ZNF703: variants seen among roughly 807,000 people sequenced by gnomAD.
ZNF703 encodes NocA-like zinc finger 1.
A neutral mutation model predicts 30.7 loss-of-function variants in ZNF703; 18 were observed. The observed-to-expected ratio is 0.59, with a 90% CI of 0.40 to 0.87. The LOEUF is 0.87. ZNF703 is among the 40% of genes least tolerant of loss of function. The pLI, the probability that ZNF703 is intolerant of heterozygous loss-of-function variation, is 0.00. For missense variants in ZNF703, 814 were observed against 847.8 expected (o/e 0.96, Z 0.50); for synonymous variants, 457 against 438.6 (o/e 1.04, Z -0.52).
At position 37,697,247 on chromosome 8, in the gene ZNF703, G is replaced by A. The variant is rs1383035950; in HGVS notation, c.346G>A (p.Ala116Thr). 1.9e-6 allele frequency: 3 copies of A among 1,590,330 alleles called. No individual in the cohort carries two copies. In the African/African-American group the frequency reaches 4.1e-5, roughly 22 times the overall value. The change falls in exon 2 of 2, where the codon GCG (alanine) becomes ACG (threonine). Residue 116 changes from alanine (A) to threonine (T), a missense_variant. Coordinates refer to ENST00000331569, the MANE Select transcript of ZNF703 (RefSeq NM_025069.3). ...CTCCAAACTCAACTCGGTGGCGGCG[G>A]CGGCCAACGGGCTGGGAGCGGAGAA... Reference protein sequence around the residue: ...PSSKLNSVAAAANGLGAEKDP... With the variant: ...PSSKLNSVAATANGLGAEKDP...
rs1024549984 is a variant in ZNF703, at chr8:37,697,284, G to A, written c.383G>A (p.Arg128His). ...NGLGAEKDPG[R>H]SAPGAASAAA... ...CTGGGAGCGGAGAAGGACCCCGGCC[G>A]CTCAGCCCCGGGCGCCGCCTCCGCA... Residue 128 changes from arginine to histidine, a missense_variant, in exon 2 of 2, where the codon CGC (arginine) becomes CAC (histidine). By Grantham distance (29) the Arg-to-His change is conservative. Coordinates refer to ENST00000331569, the MANE Select transcript of ZNF703 (RefSeq NM_025069.3). 2 of 1,567,286 alleles carry A rather than the reference G, an allele frequency of 1.3e-6. No individual in the cohort carries two copies. Among genetic ancestry groups the A allele is most frequent in the Non-Finnish European group, 8.6e-7 (1 of 1,159,286 alleles).
In ZNF703 at chr8:37,696,276, C is replaced by G. The variant is rs1585875269; in HGVS notation, c.243+54C>G. ...CCGGCCCCATTCCTCCCACCGCGAC[C>G]GGGACCCTGACCCAGCTCCCAGCGC... On this transcript the variant is annotated intron_variant, in intron 1 of 1. Coordinates refer to ENST00000331569, the MANE Select transcript of ZNF703 (RefSeq NM_025069.3). This position sits in a 1 kb window ranked among gnomAD's most constrained non-coding sequence, Gnocchi z 8.2. 1.3e-6 allele frequency: 2 copies of G among 1,521,456 alleles called. No individual in the cohort carries two copies. Among genetic ancestry groups the G allele is most frequent in the Non-Finnish European group, 1.8e-6 (2 of 1,131,786 alleles). The allele number at this position is 1,521,456 out of a possible 1,614,324, so 94.2% of individuals were successfully genotyped here.
At position 37,699,144 on chromosome 8, in the gene ZNF703, C is replaced by T. The variant is rs1802127095; in HGVS notation, c.*470C>T. 1 of 154,886 alleles carries T rather than the reference C, an allele frequency of 6.5e-6. No individual in the cohort carries two copies. Among genetic ancestry groups the T allele is most frequent in the South Asian group, 2.1e-4 (1 of 4,866 alleles). 9.6% of individuals were successfully genotyped at this position (154,886 alleles called of 1,614,324 possible). A position where few individuals can be genotyped will look rare whatever the true frequency, so the allele number is the denominator to read the frequency against. On this transcript the variant is annotated 3_prime_UTR_variant, in exon 2 of 2. Coordinates refer to ENST00000331569, the MANE Select transcript of ZNF703 (RefSeq NM_025069.3). ...ACTTAAAACTACGTTTCCGCCTTCT[C>T]TTTTTCCCTCTTCCCCCTTCATTCC...
chr8:37,698,363 C>A lies in ZNF703; in HGVS notation c.1462C>A (p.Pro488Thr), dbSNP rs749688143. Reference protein sequence around the residue: ...LSHLRTHTALPGAEKLLAAYP... With the variant: ...LSHLRTHTALTGAEKLLAAYP... The stretch of plus-strand genomic sequence containing the variant: ...CCACCTACGGACCCACACGGCCCTG[C>A]CGGGAGCCGAGAAACTTCTGGCCGC... The change falls in exon 2 of 2, where the codon CCG becomes ACG. Residue 488 changes from proline to threonine, a missense_variant. By Grantham distance (38) the Pro-to-Thr change is conservative. Coordinates refer to ENST00000331569, the MANE Select transcript of ZNF703 (RefSeq NM_025069.3). 2 of 1,530,422 alleles carry A rather than the reference C, an allele frequency of 1.3e-6. No homozygotes were observed. The highest frequency in any genetic ancestry group is 2.6e-5 in the East Asian group (1 of 38,524). The allele number at this position is 1,530,422 out of a possible 1,614,324, so 94.8% of individuals were successfully genotyped here. A position where few individuals can be genotyped will look rare whatever the true frequency, so the allele number is the denominator to read the frequency against.
rs955251432 is a variant in ZNF703, at chr8:37,697,809, A to G, written c.908A>G (p.His303Arg). ...CCGGTGTCTCCCTACAAGCCGGGCC[A>G]CTCGGTGTTCCCGCTGCCGCCCTCC... ...VAPVSPYKPG[H>R]SVFPLPPSSI... Residue 303 changes from histidine (H) to arginine (R), a missense_variant, in exon 2 of 2, where the codon CAC becomes CGC. Physicochemically the swap from His to Arg is conservative, Grantham distance 29. Coordinates refer to ENST00000331569, the MANE Select transcript of ZNF703 (RefSeq NM_025069.3). 1.4e-5 allele frequency: 21 copies of G among 1,531,712 alleles called. No individual in the cohort carries two copies. Among genetic ancestry groups the G allele is most frequent in the Non-Finnish European group, 1.7e-5 (20 of 1,145,154 alleles). The allele number at this position is 1,531,712 out of a possible 1,614,324, so 94.9% of individuals were successfully genotyped here.
Position 37,697,530 on chromosome 8 carries a change from C to T in ZNF703, c.629C>T (p.Ser210Phe), listed in dbSNP as rs1370630214. 2 of 1,503,926 alleles carry T rather than the reference C, an allele frequency of 1.3e-6. No individual in the cohort carries two copies. The highest frequency in any genetic ancestry group is 2.6e-5 in the East Asian group (1 of 38,058). The allele number at this position is 1,503,926 out of a possible 1,614,324, so 93.2% of individuals were successfully genotyped here. Residue 210 changes from serine to phenylalanine, a missense_variant, in exon 2 of 2, where the codon TCC becomes TTC. Physicochemically the swap from Ser to Phe is radical, Grantham distance 155. Coordinates refer to ENST00000331569, the MANE Select transcript of ZNF703 (RefSeq NM_025069.3). Reference protein sequence around the residue: ...PPFPPHGAPVSASSSSSSPGG... With the variant: ...PPFPPHGAPVFASSSSSSPGG... ...TTTCCCCCGCATGGAGCGCCGGTCT[C>T]CGCATCCTCGTCCTCGTCGTCGCCC...
At position 37,698,435 on chromosome 8, in the gene ZNF703, G is replaced by A. The variant is rs772091200; in HGVS notation, c.1534G>A (p.Ala512Thr). The change falls in exon 2 of 2, where the codon GCC (alanine) becomes ACC (threonine). Residue 512 changes from alanine (A) to threonine (T), a missense_variant. By Grantham distance (58) the Ala-to-Thr change is moderately conservative. Coordinates refer to ENST00000331569, the MANE Select transcript of ZNF703 (RefSeq NM_025069.3). ...GLGSAAAAAA[A>T]AASCHLHLPP... is the part of the protein sequence containing the mutation. The stretch of plus-strand genomic sequence containing the variant: ...GGGCAGCGCCGCCGCCGCCGCCGCC[G>A]CCGCCGCCTCCTGCCATCTGCACCT... 7.3e-5 allele frequency: 108 copies of A among 1,477,064 alleles called. 1 individual carries two copies. The highest frequency in any genetic ancestry group is 3.2e-4 in the East Asian group (11 of 34,282). The allele number at this position is 1,477,064 out of a possible 1,614,324, so 91.5% of individuals were successfully genotyped here. A position where few individuals can be genotyped will look rare whatever the true frequency, so the allele number is the denominator to read the frequency against.
Position 37,697,126 on chromosome 8 carries a change from C to G in ZNF703, c.244-19C>G. On this transcript the variant is annotated intron_variant, in intron 1 of 1. Coordinates refer to ENST00000331569, the MANE Select transcript of ZNF703 (RefSeq NM_025069.3). ...TGAGTCTCACTCCTTCTCCCTCCCC[C>G]TGCTTCTGTCTCCCACAGCTGGACG... 1 of 1,520,368 alleles carries G rather than the reference C, an allele frequency of 6.6e-7. No homozygotes were observed. Among genetic ancestry groups the G allele is most frequent in the Non-Finnish European group, 8.8e-7 (1 of 1,139,646 alleles). The allele number at this position is 1,520,368 out of a possible 1,614,324, so 94.2% of individuals were successfully genotyped here. A position where few individuals can be genotyped will look rare whatever the true frequency, so the allele number is the denominator to read the frequency against.
chr8:37,698,450 C>T lies in ZNF703; in HGVS notation c.1549C>T (p.His517Tyr). ...AAAAAAAASCHLHLPPPAAPG... is the reference protein window; with the variant it reads ...AAAAAAAASCYLHLPPPAAPG... ...CGCCGCCGCCGCCGCCGCCTCCTGC[C>T]ATCTGCACCTCCCCCCGCCCGCCGC... The change falls in exon 2 of 2, where the codon CAT (histidine) becomes TAT (tyrosine). Residue 517 changes from histidine to tyrosine, a missense_variant. His to Tyr is a moderately conservative substitution (Grantham distance 83, BLOSUM62 2). Coordinates refer to ENST00000331569, the MANE Select transcript of ZNF703 (RefSeq NM_025069.3). 1.3e-6 allele frequency: 2 copies of T among 1,491,718 alleles called. No individual in the cohort carries two copies. The highest frequency in any genetic ancestry group is 2.6e-5 in the South Asian group (2 of 77,094). The allele number at this position is 1,491,718 out of a possible 1,614,324, so 92.4% of individuals were successfully genotyped here. A position where few individuals can be genotyped will look rare whatever the true frequency, so the allele number is the denominator to read the frequency against.
In ZNF703 at chr8:37,695,958, C is replaced by T; in HGVS notation, c.-22C>T. The T allele has an allele frequency of 6.7e-7, 1 of 1,482,158 alleles. No homozygotes were observed. Among genetic ancestry groups the T allele is most frequent in the South Asian group, 1.3e-5 (1 of 74,688 alleles). 91.8% of individuals were successfully genotyped at this position (1,482,158 alleles called of 1,614,324 possible). ...GTGCTCCCCCGCCCTCCCCGCCCCC[C>T]CAGCGGCGCTGCCTCCTCCAAATGA... is the stretch of plus-strand genomic sequence containing the variant. On this transcript the variant is annotated 5_prime_UTR_variant, in exon 1 of 2. Transcript: ENST00000331569.
Position 37,697,267 on chromosome 8 carries a change from G to A in ZNF703, c.366G>A (p.Ala122=), listed in dbSNP as rs1802085022. 3.2e-6 allele frequency: 5 copies of A among 1,576,574 alleles called. No individual in the cohort carries two copies. Among genetic ancestry groups the A allele is most frequent in the South Asian group, 1.1e-5 (1 of 87,006 alleles). ...SVAAAANGLG[A]EKDPGRSAPG... ...CGGCGGCGGCCAACGGGCTGGGAGC[G>A]GAGAAGGACCCCGGCCGCTCAGCCC... Residue 122 remains alanine (A), a synonymous_variant, in exon 2 of 2, where the codon GCG becomes GCA. Coordinates refer to ENST00000331569, the MANE Select transcript of ZNF703 (RefSeq NM_025069.3).
At position 37,697,626 on chromosome 8, in the gene ZNF703, T is replaced by C. The variant is rs1319818164; in HGVS notation, c.725T>C (p.Leu242Pro). The C allele has an allele frequency of 2.1e-6, 3 of 1,408,850 alleles. No individual in the cohort carries two copies. Among genetic ancestry groups the C allele is most frequent in the African/African-American group, 1.5e-5 (1 of 65,654 alleles). 87.3% of individuals were successfully genotyped at this position (1,408,850 alleles called of 1,614,324 possible). A position where few individuals can be genotyped will look rare whatever the true frequency, so the allele number is the denominator to read the frequency against. The change falls in exon 2 of 2, where the codon CTG becomes CCG. Residue 242 changes from leucine to proline, a missense_variant. By Grantham distance (98) the Leu-to-Pro change is moderately conservative. Coordinates refer to ENST00000331569, the MANE Select transcript of ZNF703 (RefSeq NM_025069.3). The stretch of plus-strand genomic sequence containing the variant: ...GGCGGCGGGGTTGGCGGCGGGGAGC[T>C]GGACAAGAAAGACCAGGAGCCCAAG... ...KNGGGVGGGE[L>P]DKKDQEPKPS...
At position 37,698,596 on chromosome 8, in the gene ZNF703, C is replaced by T; in HGVS notation, c.1695C>T (p.Pro565=). Residue 565 remains proline, a synonymous_variant, in exon 2 of 2, where the codon CCC becomes CCT. Coordinates refer to ENST00000331569, the MANE Select transcript of ZNF703 (RefSeq NM_025069.3). ...GGGGCCTGGCCGTGCCGTCCCTCCC[C>T]ACAGCCGGACCCTACTATTCGCCAT... The part of the protein sequence containing the change: ...TAGGLAVPSL[P]TAGPYYSPYA... The T allele has an allele frequency of 6.4e-7, 1 of 1,559,324 alleles. No homozygotes were observed. Among genetic ancestry groups the T allele is most frequent in the Non-Finnish European group, 8.7e-7 (1 of 1,155,982 alleles).
In ZNF703 at chr8:37,698,167, G is replaced by A. The variant is rs1210451076; in HGVS notation, c.1266G>A (p.Pro422=). The A allele has an allele frequency of 5.3e-6, 8 of 1,513,738 alleles. No individual in the cohort carries two copies. Among genetic ancestry groups the A allele is most frequent in the Middle Eastern group, 1.8e-4 (1 of 5,692 alleles). The allele number at this position is 1,513,738 out of a possible 1,614,324, so 93.8% of individuals were successfully genotyped here. Residue 422 remains proline, a synonymous_variant, in exon 2 of 2, where the codon CCG becomes CCA. Coordinates refer to ENST00000331569, the MANE Select transcript of ZNF703 (RefSeq NM_025069.3). The part of the protein sequence containing the change: ...GGYPLVYPGH[P]LQPAALSSSA... ...ACCCGCTGGTGTACCCCGGGCACCCGCTGCAGCCCGCCGCGCTCTCGTCCA... is the reference window on the plus strand; with the variant it reads ...ACCCGCTGGTGTACCCCGGGCACCCACTGCAGCCCGCCGCGCTCTCGTCCA...
In ZNF703 at chr8:37,698,892, C is replaced by A; in HGVS notation, c.*218C>A. On this transcript the variant is annotated 3_prime_UTR_variant, in exon 2 of 2. Coordinates refer to ENST00000331569, the MANE Select transcript of ZNF703 (RefSeq NM_025069.3). Reference sequence around the variant, plus strand: ...ACGGCCCACATGAGTCAATGGTATGCAAAAAGTCTGTGTTCTCCCAAATAA... The same window carrying A: ...ACGGCCCACATGAGTCAATGGTATGAAAAAAGTCTGTGTTCTCCCAAATAA... 1.0e-5 allele frequency: 4 copies of A among 400,848 alleles called. No homozygotes were observed. Among genetic ancestry groups the A allele is most frequent in the Non-Finnish European group, 8.7e-6 (2 of 230,380 alleles). 24.8% of individuals were successfully genotyped at this position (400,848 alleles called of 1,614,324 possible). A position where few individuals can be genotyped will look rare whatever the true frequency, so the allele number is the denominator to read the frequency against.
In ZNF703 at chr8:37,695,872, C is replaced by T; in HGVS notation, c.-108C>T. The stretch of plus-strand genomic sequence containing the variant: ...GGGAGGCGGCGAGGAGGCGCAGCTC[C>T]CGCTGCACCGCGATCGACGCTGCGG... On this transcript the variant is annotated 5_prime_UTR_variant, in exon 1 of 2. Coordinates refer to ENST00000331569, the MANE Select transcript of ZNF703 (RefSeq NM_025069.3). The T allele has an allele frequency of 9.1e-7, 1 of 1,101,912 alleles. No homozygotes were observed. The highest frequency in any genetic ancestry group is 1.2e-6 in the Non-Finnish European group (1 of 825,710). 68.3% of individuals were successfully genotyped at this position (1,101,912 alleles called of 1,614,324 possible).
Position 37,696,324 on chromosome 8 carries a change from A to C in ZNF703, c.243+102A>C. 1 of 1,437,146 alleles carries C rather than the reference A, an allele frequency of 7.0e-7. No individual in the cohort carries two copies. The highest frequency in any genetic ancestry group is 9.2e-7 in the Non-Finnish European group (1 of 1,091,468). 89.0% of individuals were successfully genotyped at this position (1,437,146 alleles called of 1,614,324 possible). On this transcript the variant is annotated intron_variant, in intron 1 of 1. Coordinates refer to ENST00000331569, the MANE Select transcript of ZNF703 (RefSeq NM_025069.3). This position sits in a 1 kb window ranked among gnomAD's most constrained non-coding sequence, Gnocchi z 8.2. ...CGCCCCGGGGCTCGGTGCGACACCC[A>C]AGTCTGGTCACGCTGGCGGGCTGAG...
rs997617311 is a variant in ZNF703, at chr8:37,697,783, G to A, written c.882G>A (p.Ala294=). ...CGCTGGTGGGGGCCGGCCACGTGGC[G>A]CCGGTGTCTCCCTACAAGCCGGGCC... ...PSALVGAGHV[A]PVSPYKPGHS... The change falls in exon 2 of 2, where the codon GCG becomes GCA. Residue 294 remains alanine, a synonymous_variant. Transcript: ENST00000331569. The A allele has an allele frequency of 2.0e-5, 30 of 1,511,260 alleles. No individual in the cohort carries two copies. The highest frequency in any genetic ancestry group is 2.8e-5 in the African/African-American group (2 of 70,184). The allele number at this position is 1,511,260 out of a possible 1,614,324, so 93.6% of individuals were successfully genotyped here. A position where few individuals can be genotyped will look rare whatever the true frequency, so the allele number is the denominator to read the frequency against.
At position 37,696,196 on chromosome 8, in the gene ZNF703, T is replaced by A; in HGVS notation, c.217T>A (p.Ser73Thr). 3.1e-6 allele frequency: 5 copies of A among 1,610,904 alleles called. No homozygotes were observed. Among genetic ancestry groups the A allele is most frequent in the Non-Finnish European group, 4.2e-6 (5 of 1,179,094 alleles). Reference protein sequence around the residue: ...LLHPEYLQPLSSTPVSPIELD... With the variant: ...LLHPEYLQPLTSTPVSPIELD... The stretch of plus-strand genomic sequence containing the variant: ...GCACCCGGAGTACCTGCAGCCGCTG[T>A]CCTCCACTCCCGTCAGCCCCATTGA... Residue 73 changes from serine to threonine, a missense_variant, in exon 1 of 2, where the codon TCC (serine) becomes ACC (threonine). By Grantham distance (58) the Ser-to-Thr change is moderately conservative. Coordinates refer to ENST00000331569, the MANE Select transcript of ZNF703 (RefSeq NM_025069.3). This position sits in a 1 kb window ranked among gnomAD's most constrained non-coding sequence, Gnocchi z 8.2.
Sources: gnomAD v4.1 joint callset for allele counts on GRCh38, gnomAD v4.1.1 for gene constraint, Gnocchi (gnomAD v3.1) non-coding constraint, MANE v1.5 for transcripts, NCBI Gene and HGNC (gene_info 2026-07-23, HGNC 2026-07-21) for gene names.